SLC9A2: variants seen among roughly 807,000 people sequenced by gnomAD.
SLC9A2 encodes the protein sodium/hydrogen exchanger 2.
Under a neutral mutation model 71.7 loss-of-function variants are expected in SLC9A2, and 42 were observed. That is an observed-to-expected ratio of 0.59 (90% CI 0.46 to 0.76). The LOEUF is 0.76. SLC9A2 is among the 30% of genes least tolerant of loss of function. The pLI, the probability that SLC9A2 is intolerant of heterozygous loss-of-function variation, is 0.00. For synonymous variants in SLC9A2, 396 were observed against 392.5 expected (o/e 1.01, Z -0.10); for missense variants, 829 against 1,017.4 (o/e 0.81, Z 2.52).
intron 1 of SLC9A2, among the ~76,000 whole-genome samples, chr2:102,631,028 TTTTC>T (rs1676344738): frequency 6.6e-6 from 1 of 152,088 alleles, no homozygotes; most frequent in Non-Finnish European, 1.5e-5. Flanking sequence ...TAAACGTCTG[TTTTC>T]TTTAAGTTGT....
chr2:102,632,095 TATATATACATATATATGTATATATAC>T lies in SLC9A2; in HGVS notation c.289+11994_289+12019del, dbSNP rs58636624. Among the ~76,000 whole-genome samples the T allele has an allele frequency of 9.4e-3, 1,206 of 128,366 alleles. 10 individuals carry two copies. Among genetic ancestry groups the T allele is most frequent in the Non-Finnish European group, 0.014 (890 of 63,354 alleles). The allele number at this position is 128,366 out of a possible 152,430, so 84.2% of individuals were successfully genotyped here. On this transcript the variant is annotated intron_variant, in intron 1 of 11. Transcript: ENST00000233969. ...ATATATACACACATATATATACACA[TATATATACATATATATGTATATATAC>T]ATATATACATATATATGTATATATA...
At position 102,620,177 on chromosome 2, in the gene SLC9A2, C is replaced by T. The variant is rs376855820; in HGVS notation, c.289+40C>T. 5.8e-4 allele frequency: 899 copies of T among 1,549,618 alleles called. 7 individuals are homozygous for T. In the Middle Eastern group the frequency reaches 0.02, roughly 35 times the overall value. ...CTTGTGGGGAATGGGAGGGGGCGAT[C>T]TCGGGGGGACACCTGGAGGGTGACC... On this transcript the variant is annotated intron_variant, in intron 1 of 11. Coordinates refer to ENST00000233969, the MANE Select transcript of SLC9A2 (RefSeq NM_003048.6).
At chr2:102,695,577 C>A (rs1466741816) in intron 7 of SLC9A2, among the ~76,000 whole-genome samples, 2 of 151,612 alleles carry the variant, frequency 1.3e-5, no homozygotes, top group Non-Finnish European at 2.9e-5. Flanking sequence ...TTCTTCTGAT[C>A]ATTGGCTTGG....
At chr2:102,660,086 T>C (rs913682152) in intron 2 of SLC9A2, among the ~76,000 whole-genome samples, 6 of 152,074 alleles carry the variant, frequency 3.9e-5, no homozygotes, top group African/African-American at 1.4e-4. Flanking sequence ...CAGGATAGGG[T>C]CTGGCTAAGT....
chr2:102,680,994 C>T (rs1677443278), intron 3 of SLC9A2, among the ~76,000 whole-genome samples: 1 of 152,158 alleles, frequency 6.6e-6, no homozygotes, highest in Non-Finnish European at 1.5e-5. Flanking sequence ...TTGTCACCAC[C>T]TTGATGTTAG....
At chr2:102,656,672 A>T (rs1368951437) in intron 1 of SLC9A2, among the ~76,000 whole-genome samples, 2 of 152,226 alleles carry the variant, frequency 1.3e-5, no homozygotes, top group Non-Finnish European at 2.9e-5. Context: ...CAAGAATCAG[A>T]CGTTAAAAAT....
intron 11 of SLC9A2, among the ~76,000 whole-genome samples, chr2:102,706,336 A>G (rs1677975254): frequency 7.1e-6 from 1 of 141,626 alleles, no homozygotes; most frequent in Non-Finnish European, 1.5e-5. Context: ...AAAAAAAAAA[A>G]AAAAAAAAAA....
chr2:102,658,808 A>G (rs2104520884), intron 2 of SLC9A2, among the ~76,000 whole-genome samples: 1 of 151,872 alleles, frequency 6.6e-6, no homozygotes, highest in African/African-American at 2.4e-5. Context: ...TTACCCACAT[A>G]CCTCCAAAGA....
chr2:102,626,830 C>T (rs1007671675), intron 1 of SLC9A2, among the ~76,000 whole-genome samples: 1 of 152,176 alleles, frequency 6.6e-6, no homozygotes, highest in Non-Finnish European at 1.5e-5. Context: ...AAATGCTCAT[C>T]ATCACTGGCC....
At chr2:102,632,137 T>C (rs1437520450) in intron 1 of SLC9A2, among the ~76,000 whole-genome samples, 1 of 108,702 alleles carries the variant, frequency 9.2e-6, no homozygotes, top group Non-Finnish European at 1.8e-5. Flanking sequence ...TACATATATA[T>C]GTATATATAC....
intron 7 of SLC9A2, among the ~76,000 whole-genome samples, chr2:102,699,913 T>C (rs1677842016): frequency 6.6e-6 from 1 of 152,146 alleles, no homozygotes; most frequent in African/African-American, 2.4e-5. Context: ...TTTTTATAAG[T>C]ACACCAGTCA....
At chr2:102,677,279 C>A (rs997698310) in intron 3 of SLC9A2, among the ~76,000 whole-genome samples, 2 of 151,194 alleles carry the variant, frequency 1.3e-5, no homozygotes, top group Non-Finnish European at 2.9e-5. Flanking sequence ...AGTCTATTTC[C>A]ACCCACCCTC....
chr2:102,641,210 C>T (rs778574284), intron 1 of SLC9A2, among the ~76,000 whole-genome samples: 14 of 152,106 alleles, frequency 9.2e-5, no homozygotes, highest in Non-Finnish European at 2.1e-4. Context: ...TTGTCAGGGG[C>T]CTCAGCAGGG....
chr2:102,644,591 A>C (rs1676679967), intron 1 of SLC9A2, among the ~76,000 whole-genome samples: 1 of 152,164 alleles, frequency 6.6e-6, no homozygotes, highest in African/African-American at 2.4e-5. Flanking sequence ...CCAGCACAGG[A>C]GTCTAAAGTT....
intron 1 of SLC9A2, among the ~76,000 whole-genome samples, chr2:102,649,681 C>T (rs543428087): frequency 1.4e-3 from 213 of 152,202 alleles, no homozygotes; most frequent in African/African-American, 4.6e-3. Context: ...AGATGCTTCT[C>T]AAAAGAAGAC....
Position 102,619,654 on chromosome 2 carries a change from G to T in SLC9A2, c.-195G>T. The T allele has an allele frequency of 2.1e-6, 1 of 465,428 alleles. No individual in the cohort carries two copies. The allele number at this position is 465,428 out of a possible 1,614,324, so 28.8% of individuals were successfully genotyped here. A position where few individuals can be genotyped will look rare whatever the true frequency, so the allele number is the denominator to read the frequency against. On this transcript the variant is annotated 5_prime_UTR_variant, in exon 1 of 12. Coordinates refer to ENST00000233969, the MANE Select transcript of SLC9A2 (RefSeq NM_003048.6). This position sits in a 1 kb window ranked among gnomAD's most constrained non-coding sequence, Gnocchi z 4.3. ...CCTCTCGTCGCCCTGCACGTGCCTC[G>T]CCAGGCAGTGCGCCTGCTCGCAGCG...
At chr2:102,646,211 A>G (rs1262489960) in intron 1 of SLC9A2, among the ~76,000 whole-genome samples, 3 of 152,216 alleles carry the variant, frequency 2.0e-5, no homozygotes, top group Non-Finnish European at 2.9e-5. Context: ...TAAGCTTCAT[A>G]AGCGAAGGAG....
chr2:102,633,973 C>A (rs1676421776), intron 1 of SLC9A2, among the ~76,000 whole-genome samples: 1 of 152,238 alleles, frequency 6.6e-6, no homozygotes, highest in East Asian at 1.9e-4. Flanking sequence ...AAATGACATT[C>A]ATTAGAATGT....
At chr2:102,636,165 C>T (rs1022087016) in intron 1 of SLC9A2, among the ~76,000 whole-genome samples, 4 of 152,098 alleles carry the variant, frequency 2.6e-5, no homozygotes, top group African/African-American at 9.7e-5. Flanking sequence ...TCATTGAAAC[C>T]CCTTTGATTT....
Sources: gnomAD v4.1 joint callset for allele counts (sites outside exome capture counted in the v4.1 genomes callset) on GRCh38, gnomAD v4.1.1 for gene constraint, Gnocchi (gnomAD v3.1) non-coding constraint, MANE v1.5 for transcripts, NCBI Gene and HGNC (gene_info 2026-07-23, HGNC 2026-07-21) for gene names.